ABLIM3: variants seen among roughly 807,000 people sequenced by gnomAD.
ABLIM3 encodes the protein actin binding LIM protein family member 3.
ABLIM3 carries 61 observed loss-of-function variants against 109.5 expected under a neutral mutation model. The observed-to-expected ratio is 0.56, with a 90% CI of 0.45 to 0.69. The LOEUF is 0.69. Ranked by LOEUF, ABLIM3 falls within the 30% of genes least tolerant of loss-of-function variation. The pLI, the probability that ABLIM3 is intolerant of heterozygous loss-of-function variation, is 0.00. For synonymous variants in ABLIM3, 300 were observed against 324.8 expected (o/e 0.92, Z 0.82); for missense variants, 796 against 889.5 (o/e 0.89, Z 1.34).
chr5:149,197,078 A>G (rs1255773796), intron 3 of ABLIM3, among the ~76,000 whole-genome samples: 2 of 152,054 alleles, frequency 1.3e-5, no homozygotes, highest in Non-Finnish European at 2.9e-5. Context: ...ATCTTCTCCC[A>G]TTTTTGTATA....
At chr5:149,238,371 A>G (rs982617689) in intron 11 of ABLIM3, among the ~76,000 whole-genome samples, 1 of 152,182 alleles carries the variant, frequency 6.6e-6, no homozygotes, top group Admixed American at 6.5e-5. Flanking sequence ...AACTAGCCTC[A>G]TAACCTCAGG....
chr5:149,193,237 T>C (rs1757660307), intron 3 of ABLIM3, among the ~76,000 whole-genome samples: 1 of 152,120 alleles, frequency 6.6e-6, no homozygotes. Context: ...ATTTTAGAGA[T>C]ACATTCTGAA....
intron 2 of ABLIM3, among the ~76,000 whole-genome samples, chr5:149,142,332 G>A (rs1244217271): frequency 6.6e-6 from 1 of 152,196 alleles, no homozygotes; most frequent in Non-Finnish European, 1.5e-5. Flanking sequence ...GGCGCCGGCC[G>A]CCTCTCCTGG....
chr5:149,169,181 A>G (rs1334789317), intron 2 of ABLIM3, among the ~76,000 whole-genome samples: 2 of 148,212 alleles, frequency 1.3e-5, no homozygotes, highest in East Asian at 4.0e-4. Context: ...AGACGCTAGA[A>G]TGTTTGCAGC....
chr5:149,254,288 C>T (rs368167493), intron 23 of ABLIM3, among the ~76,000 whole-genome samples: 2 of 152,208 alleles, frequency 1.3e-5, no homozygotes, highest in African/African-American at 2.4e-5. Flanking sequence ...GGAGGGGTCA[C>T]TCCCCTTGTC....
chr5:149,172,865 G>A (rs1755576051), intron 2 of ABLIM3, among the ~76,000 whole-genome samples: 1 of 152,212 alleles, frequency 6.6e-6, no homozygotes, highest in Non-Finnish European at 1.5e-5. Flanking sequence ...AAACAGAGAT[G>A]ACAGAATGCA....
At position 149,259,331 on chromosome 5, in the gene ABLIM3, G is replaced by A. The variant is rs1025001047; in HGVS notation, c.*927G>A. 7 of 1,427,672 alleles carry A rather than the reference G, an allele frequency of 4.9e-6. No homozygotes were observed. The South Asian group carries it at 1.1e-4, about 22-fold the overall frequency. The allele number at this position is 1,427,672 out of a possible 1,614,324, so 88.4% of individuals were successfully genotyped here. A position where few individuals can be genotyped will look rare whatever the true frequency, so the allele number is the denominator to read the frequency against. ...TCTTTAGCCTTATTACAATCTATGT[G>A]CCTGACAACTCAACACACCGCAGGG... On this transcript the variant is annotated 3_prime_UTR_variant, in exon 24 of 24. Coordinates refer to ENST00000309868, the MANE Select transcript of ABLIM3 (RefSeq NM_014945.5).
chr5:149,236,150 G>C (rs1409563196), intron 10 of ABLIM3, among the ~76,000 whole-genome samples: 1 of 152,220 alleles, frequency 6.6e-6, no homozygotes, highest in Admixed American at 6.5e-5. Flanking sequence ...AGCCCAGGCA[G>C]TGTTCAGGAC....
chr5:149,220,255 A>C (rs1760509836), intron 8 of ABLIM3: 1 of 152,226 alleles, frequency 6.6e-6, no homozygotes, highest in Non-Finnish European at 1.5e-5. Flanking sequence ...TAGTGCTTTC[A>C]TTCTTCCAAC....
intron 22 of ABLIM3, 163 bp downstream of exon 22, chr5:149,252,371 C>T: frequency 1.4e-6 from 1 of 702,350 alleles, no homozygotes; most frequent in African/African-American, 1.8e-5. Flanking sequence ...TCTTGGCCCA[C>T]TTTTCCTGAA....
intron 8 of ABLIM3, among the ~76,000 whole-genome samples, chr5:149,230,399 A>G (rs1321723471): frequency 6.6e-6 from 1 of 152,182 alleles, no homozygotes; most frequent in East Asian, 1.9e-4. Flanking sequence ...GCAGGTAAGA[A>G]AGTTTGCAAG....
intron 10 of ABLIM3, among the ~76,000 whole-genome samples, chr5:149,235,156 G>T (rs1040116600): frequency 5.3e-5 from 8 of 152,158 alleles, no homozygotes; most frequent in Non-Finnish European, 1.0e-4. Context: ...GGTGCCTCAT[G>T]CTCAGCTGCT....
At chr5:149,193,085 C>T (rs1158990842) in intron 3 of ABLIM3, among the ~76,000 whole-genome samples, 1 of 152,170 alleles carries the variant, frequency 6.6e-6, no homozygotes, top group Non-Finnish European at 1.5e-5. Flanking sequence ...ATTCAAACAA[C>T]TGGTCACTAA....
intron 16 of ABLIM3, among the ~76,000 whole-genome samples, chr5:149,246,119 C>T (rs893537): frequency 0.079 from 12,002 of 152,208 alleles, 1,169 homozygotes; most frequent in African/African-American, 0.23. Context: ...GCCATGATCA[C>T]ACCACTGCAC....
intron 2 of ABLIM3, among the ~76,000 whole-genome samples, chr5:149,160,784 G>T (rs1754283863): frequency 6.6e-6 from 1 of 152,206 alleles, no homozygotes; most frequent in South Asian, 2.1e-4. Flanking sequence ...TGGGCTGTAA[G>T]CTGGGGGTTC....
At chr5:149,199,155 A>G in intron 4 of ABLIM3, 1 of 455,578 alleles carries the variant, frequency 2.2e-6, no homozygotes, top group South Asian at 1.6e-5. Flanking sequence ...GCCAAGCAAC[A>G]CATTAAGGAG....
chr5:149,238,548 G>T (rs1310199127), intron 11 of ABLIM3, among the ~76,000 whole-genome samples: 1 of 152,240 alleles, frequency 6.6e-6, no homozygotes, highest in Admixed American at 6.5e-5. Flanking sequence ...CCCACAGGTT[G>T]CAGCCAGCCC....
intron 2 of ABLIM3, among the ~76,000 whole-genome samples, chr5:149,166,411 G>A (rs1172398018): frequency 6.6e-6 from 1 of 152,182 alleles, no homozygotes; most frequent in African/African-American, 2.4e-5. Context: ...ACCTAGAGAA[G>A]CAGTTATTTC....
chr5:149,195,497 G>C (rs17795663), intron 3 of ABLIM3, among the ~76,000 whole-genome samples: 46,277 of 152,042 alleles, frequency 0.3, 7,370 homozygotes, highest in East Asian at 0.52. Context: ...TCTACCAAAA[G>C]CTTCCTCCTT....
Sources: allele counts gnomAD v4.1 joint callset (sites outside exome capture counted in the v4.1 genomes callset), GRCh38; gene constraint gnomAD v4.1.1; transcripts MANE v1.5; gene names NCBI Gene and HGNC (gene_info 2026-07-23, HGNC 2026-07-21).